The following MSI1 variants were observed in gnomAD, a reference collection of about 807,000 sequenced individuals.
The protein encoded by MSI1 is RNA-binding protein Musashi homolog 1.
In MSI1, 15 loss-of-function variants were observed where a neutral mutation model predicts 54.4. The observed-to-expected ratio is 0.28, with a 90% CI of 0.18 to 0.42. The LOEUF is 0.42. Among genes scored for constraint, MSI1 ranks in the 20% least tolerant of loss-of-function variants. The pLI is 1.00. For missense variants in MSI1, 304 were observed against 506.0 expected, an observed-to-expected ratio of 0.60 and a Z score of 3.83; for synonymous variants, 200 against 196.5, an observed-to-expected ratio of 1.02 and a Z score of -0.15.
intron 4 of MSI1, among the ~76,000 whole-genome samples, chr12:120,365,870 C>G (rs1017965686): frequency 6.6e-6 from 1 of 152,156 alleles, no homozygotes; most frequent in Non-Finnish European, 1.5e-5. Context: ...ACAATCACAC[C>G]CGCTTTTCCC....
rs1876143462 is a variant in MSI1, at chr12:120,368,245, G to A, written c.129C>T (p.Phe43=). 2 of 1,584,620 alleles carry A rather than the reference G, an allele frequency of 1.3e-6. No individual in the cohort carries two copies. The highest frequency in any genetic ancestry group is 1.7e-6 in the Non-Finnish European group (2 of 1,164,638). The part of the protein sequence containing the change: ...QEGLREYFGQ[F]GEVKECLVMR... ...TCACCAGACACTCCTTCACCTCCCC[G>A]AACTGGCCGAAGTATTCGCGCAGCC... The change falls in exon 3 of 15, where the codon TTC becomes TTT. Residue 43 remains phenylalanine, a synonymous_variant. Coordinates refer to ENST00000257552, the MANE Select transcript of MSI1 (RefSeq NM_002442.4). The surrounding 1 kb of genome is among the most constrained non-coding windows in gnomAD (Gnocchi z 6.6).
At chr12:120,351,466 G>A in intron 10 of MSI1, 66 bp from the exon 11 acceptor site, 12 of 1,454,806 alleles carry the variant, frequency 8.2e-6, no homozygotes, top group Non-Finnish European at 1.1e-5. Context: ...GCCCAGGGAG[G>A]ACAAATGCAC....
intron 8 of MSI1, 134 bp from the exon 9 acceptor site, chr12:120,357,153 G>A (rs76006633): frequency 1.3e-6 from 1 of 784,260 alleles, no homozygotes; most frequent in East Asian, 2.5e-5. Flanking sequence ...TACCACTGAT[G>A]GAGCACTCAC....
chr12:120,357,997 G>T, intron 7 of MSI1, 99 bp from the exon 8 acceptor site: 1 of 969,248 alleles, frequency 1.0e-6, no homozygotes, highest in Non-Finnish European at 1.6e-6. Flanking sequence ...TCTCTCTCTG[G>T]CGAGTGAGAG....
chr12:120,358,916 A>G, intron 7 of MSI1, 89 bp downstream of exon 7: 1 of 1,425,624 alleles, frequency 7.0e-7, no homozygotes, highest in East Asian at 2.5e-5. Context: ...ATAGGATGTC[A>G]GAAGGCGAGA....
chr12:120,357,030 A>G lies in MSI1; in HGVS notation c.535-11T>C, dbSNP rs1177445173. 6.2e-7 allele frequency: 1 copy of G among 1,611,586 alleles called. No individual in the cohort carries two copies. Among genetic ancestry groups the G allele is most frequent in the Non-Finnish European group, 8.5e-7 (1 of 1,177,664 alleles). ...TTTCTTACATTCCACCTGCAATGAGACCTGGCGGTTAGTCTTTCCCACAGA... is the reference window on the plus strand; with the variant it reads ...TTTCTTACATTCCACCTGCAATGAGGCCTGGCGGTTAGTCTTTCCCACAGA... On this transcript the variant is annotated splice_polypyrimidine_tract_variant and intron_variant, in intron 8 of 14. Coordinates refer to ENST00000257552, the MANE Select transcript of MSI1 (RefSeq NM_002442.4).
At chr12:120,340,330 C>T (rs528130065), downstream of MSI1, among the ~76,000 whole-genome samples, 10 of 152,204 alleles carry the variant, frequency 6.6e-5, no homozygotes, top group East Asian at 3.9e-4. Flanking sequence ...GCGATCCGCC[C>T]GCCTTGGCCT....
At chr12:120,367,492 C>G (rs1236826664) in intron 4 of MSI1, among the ~76,000 whole-genome samples, 1 of 152,136 alleles carries the variant, frequency 6.6e-6, no homozygotes, top group Non-Finnish European at 1.5e-5. Context: ...AAAGCAGGTC[C>G]CTGTCTTCCA....
Position 120,368,185 on chromosome 12 carries a change from G to A in MSI1, c.182+7C>T, listed in dbSNP as rs1307535150. The stretch of plus-strand genomic sequence containing the variant: ...CCGGGAGCAGGAGGAGGGGGTGAGG[G>A]GCTCACCTGGATCTCTTGGTCAGGG... On this transcript the variant is annotated splice_region_variant and intron_variant, in intron 3 of 14. Transcript: ENST00000257552. The surrounding 1 kb of genome is among the most constrained non-coding windows in gnomAD (Gnocchi z 6.6). 4 of 1,580,028 alleles carry A rather than the reference G, an allele frequency of 2.5e-6. No homozygotes were observed. The East Asian group carries it at 6.9e-5, about 27-fold the overall frequency.
intron 9 of MSI1, among the ~76,000 whole-genome samples, chr12:120,354,699 G>A (rs1289323168): frequency 6.6e-6 from 1 of 152,192 alleles, no homozygotes; most frequent in South Asian, 2.1e-4. Flanking sequence ...CCAAAGTGCT[G>A]GGATTACAGG....
rs1441658948 is a variant in MSI1, at chr12:120,368,335, C to T, written c.101-62G>A. ...CCCGCGCCCTTCCCCCCCCCCCGTC[C>T]TTTGCCCCCGGTGACCCCGGAGCGG... is the stretch of plus-strand genomic sequence containing the variant. On this transcript the variant is annotated intron_variant, in intron 2 of 14. Transcript: ENST00000257552. This position sits in a 1 kb window ranked among gnomAD's most constrained non-coding sequence, Gnocchi z 6.6. The T allele has an allele frequency of 2.7e-6, 4 of 1,509,408 alleles. No homozygotes were observed. In the Admixed American group the frequency reaches 6.0e-5, roughly 23 times the overall value. 93.5% of individuals were successfully genotyped at this position (1,509,408 alleles called of 1,614,324 possible).
chr12:120,346,277 C>A lies in MSI1; in HGVS notation c.905G>T (p.Ser302Ile). The A allele has an allele frequency of 6.3e-7, 1 of 1,587,472 alleles. No individual in the cohort carries two copies. Among genetic ancestry groups the A allele is most frequent in the Non-Finnish European group, 8.6e-7 (1 of 1,168,026 alleles). The change falls in exon 13 of 15, where the codon AGC becomes ATC. Residue 302 changes from serine to isoleucine, a missense_variant. This residue lies in a region of MSI1 where 147 missense variants were observed against 231.5 expected (regional missense o/e 0.64). Coordinates refer to ENST00000257552, the MANE Select transcript of MSI1 (RefSeq NM_002442.4). ...GGTCCCCAGGAAGCCCCCTGTGCGG[C>A]TGGGAGTCGAACCTGGAGGGGGAGC... ...TMAPPPGSTP[S>I]RTGGFLGTTS...
chr12:120,355,369 C>A (rs1875014425), intron 9 of MSI1, among the ~76,000 whole-genome samples: 1 of 140,810 alleles, frequency 7.1e-6, no homozygotes, highest in African/African-American at 2.7e-5. Context: ...CCCGCCACTG[C>A]AGTCCGGCCT....
intron 11 of MSI1, 69 bp from the exon 12 acceptor site, chr12:120,347,583 C>T: frequency 3.8e-6 from 6 of 1,592,016 alleles, no homozygotes; most frequent in Non-Finnish European, 5.2e-6. Context: ...AGGCCCCTAC[C>T]TTTTAGGCAG....
rs1282815934 is a variant in MSI1, at chr12:120,357,853, A to G, written c.497T>C (p.Val166Ala). ...TFESEDIVEK[V>A]CEIHFHEINN... Reference sequence around the variant, plus strand: ...GATTTCATGAAAATGAATTTCACACACTTTCTCCACGATGTCCTCACTCTC... The same window carrying G: ...GATTTCATGAAAATGAATTTCACACGCTTTCTCCACGATGTCCTCACTCTC... Residue 166 changes from valine (V) to alanine (A), a missense_variant, in exon 8 of 15, where the codon GTG (valine) becomes GCG (alanine). By Grantham distance (64) the Val-to-Ala change is moderately conservative. Transcript: ENST00000257552. 2 of 1,614,178 alleles carry G rather than the reference A, an allele frequency of 1.2e-6. No homozygotes were observed. The highest frequency in any genetic ancestry group is 1.7e-6 in the Non-Finnish European group (2 of 1,180,030).
chr12:120,369,117 C>A lies in MSI1; in HGVS notation c.-26G>T. ...CGGGAGCCGCGGGCGGCGCGGGCAG[C>A]GGAGCGGCGGCGGCGGCGGCGGCGG... On this transcript the variant is annotated 5_prime_UTR_variant, in exon 1 of 15. Transcript: ENST00000257552. 1 of 1,005,912 alleles carries A rather than the reference C, an allele frequency of 9.9e-7. No individual in the cohort carries two copies. Among genetic ancestry groups the A allele is most frequent in the Non-Finnish European group, 1.2e-6 (1 of 848,224 alleles). 62.3% of individuals were successfully genotyped at this position (1,005,912 alleles called of 1,614,324 possible).
intron 4 of MSI1, among the ~76,000 whole-genome samples, chr12:120,366,003 A>G (rs766244752): frequency 1.8e-4 from 27 of 152,182 alleles, no homozygotes; most frequent in Non-Finnish European, 3.5e-4. Context: ...GGCTGTGAAC[A>G]ACCAGAGGGA....
chr12:120,345,730 C>T lies in MSI1; in HGVS notation c.1048-98G>A, dbSNP rs564930837. 1.6e-4 allele frequency: 223 copies of T among 1,404,106 alleles called. 1 individual carries two copies. The African/African-American group carries it at 2.9e-3, about 18-fold the overall frequency. 87.0% of individuals were successfully genotyped at this position (1,404,106 alleles called of 1,614,324 possible). On this transcript the variant is annotated intron_variant, in intron 13 of 14. Transcript: ENST00000257552. ...AGGACATCTGAAGTGAGGCGCTGAC[C>T]TCTCTCTACCTGTCCGGATCGCCCC...
chr12:120,368,438 G>T lies in MSI1; in HGVS notation c.101-165C>A, dbSNP rs1876164599. Among the ~76,000 whole-genome samples the T allele has an allele frequency of 6.6e-6, 1 of 151,610 alleles. No homozygotes were observed. The highest frequency in any genetic ancestry group is 1.5e-5 in the Non-Finnish European group (1 of 67,884). On this transcript the variant is annotated intron_variant, in intron 2 of 14. Coordinates refer to ENST00000257552, the MANE Select transcript of MSI1 (RefSeq NM_002442.4). The surrounding 1 kb of genome is among the most constrained non-coding windows in gnomAD (Gnocchi z 6.6). ...CCACCGCCCTCGCCCCGTTCCCGCT[G>T]AGCCTCCTGGCGCCCACCGGGGCCC...
Sources: allele counts gnomAD v4.1 joint callset (sites outside exome capture counted in the v4.1 genomes callset), GRCh38; gene constraint gnomAD v4.1.1; regional missense constraint gnomAD v4.1.1; non-coding constraint Gnocchi (gnomAD v3.1); transcripts MANE v1.5; gene names NCBI Gene and HGNC (gene_info 2026-07-23, HGNC 2026-07-21).